LRRC7: variants seen among roughly 807,000 people sequenced by gnomAD.
The protein encoded by LRRC7 is leucine-rich repeat-containing protein 7.
A neutral mutation model predicts 175.7 loss-of-function variants in LRRC7; 23 were observed. That is an observed-to-expected ratio of 0.13 (90% confidence interval 0.09 to 0.19). LRRC7 has a LOEUF of 0.19. LRRC7 is among the 10% of genes least tolerant of loss of function. The probability of loss-of-function intolerance (pLI) is 1.00; values close to 1 mark genes in which losing one functional copy is unlikely to be tolerated. For synonymous variants in LRRC7, 685 were observed against 680.9 expected, an observed-to-expected ratio of 1.01 and a Z score of -0.09; for missense variants, 1,354 against 1,904.7, an observed-to-expected ratio of 0.71 and a Z score of 5.38.
In LRRC7 at chr1:69,620,731, G is replaced by A. The variant is rs142147499; in HGVS notation, c.2+52090G>A. 3.3e-5 allele frequency among the ~76,000 whole-genome samples: 5 copies of A among 152,262 alleles called. 1 individual carries two copies. The East Asian group carries it at 9.7e-4, about 29-fold the overall frequency. On this transcript the variant is annotated intron_variant, in intron 1 of 26. Transcript: ENST00000651989. ...GATATTCCTCCTTTCATAGGATATT[G>A]TTCTCATCTTCTCCTATTCATTTCT...
At chr1:69,878,972 A>T (rs1686300009) in intron 7 of LRRC7, among the ~76,000 whole-genome samples, 1 of 149,666 alleles carries the variant, frequency 6.7e-6, no homozygotes, top group African/African-American at 2.4e-5. Flanking sequence ...TCCATCCATG[A>T]TGGATACATG....
rs570609854 is a variant in LRRC7 at position 69,795,107 on chromosome 1, C to T, written c.421+2947C>T. On this transcript the variant is annotated intron_variant, in intron 4 of 26. Transcript: ENST00000651989. ...ACCTAAGAAAGCTGTCACTGCCTGGCGCAGTGACTCATGCCTGTAATCCCA... is the reference window on the plus strand; with the variant it reads ...ACCTAAGAAAGCTGTCACTGCCTGGTGCAGTGACTCATGCCTGTAATCCCA... Among the ~76,000 whole-genome samples the T allele has an allele frequency of 2.8e-4, 43 of 152,268 alleles. No individual in the cohort carries two copies. The South Asian group carries it at 8.1e-3, about 29-fold the overall frequency.
intron 2 of LRRC7, among the ~76,000 whole-genome samples, chr1:69,735,987 G>C (rs889627511): frequency 6.6e-6 from 1 of 151,980 alleles, no homozygotes; most frequent in Non-Finnish European, 1.5e-5. Context: ...TTAATTGTAA[G>C]TCTAGCTCAC....
intron 24 of LRRC7, among the ~76,000 whole-genome samples, chr1:70,085,758 C>G (rs1415485170): frequency 6.6e-6 from 1 of 152,142 alleles, no homozygotes; most frequent in African/African-American, 2.4e-5. Context: ...ACCTTTCCTG[C>G]TGTTTTCCAC....
At chr1:69,637,667 T>C (rs1003134428) in intron 1 of LRRC7, among the ~76,000 whole-genome samples, 1 of 152,008 alleles carries the variant, frequency 6.6e-6, no homozygotes, top group African/African-American at 2.4e-5. Context: ...TTTCTTTTCT[T>C]TCATGACTAT....
chr1:69,862,303 A>G (rs1196013627), intron 7 of LRRC7, among the ~76,000 whole-genome samples: 3 of 152,210 alleles, frequency 2.0e-5, no homozygotes, highest in Admixed American at 6.5e-5. Flanking sequence ...TAGATGGCAT[A>G]TAGATTATTA....
intron 2 of LRRC7, among the ~76,000 whole-genome samples, chr1:69,753,437 A>G (rs977167244): frequency 6.6e-6 from 1 of 151,990 alleles, no homozygotes; most frequent in Non-Finnish European, 1.5e-5. Flanking sequence ...GCTTTAGGGC[A>G]CAGATAATGA....
At chr1:69,578,501 A>T (rs1222320289) in intron 1 of LRRC7, among the ~76,000 whole-genome samples, 1 of 147,392 alleles carries the variant, frequency 6.8e-6, no homozygotes, top group African/African-American at 2.5e-5. Flanking sequence ...ACGTATGTTT[A>T]TTGCGGCACT....
Position 69,878,054 on chromosome 1 carries a change from T to C in LRRC7, c.647+39771T>C, listed in dbSNP as rs558834724. On this transcript the variant is annotated intron_variant, in intron 7 of 26. Coordinates refer to ENST00000651989, the MANE Select transcript of LRRC7 (RefSeq NM_001370785.2). The stretch of plus-strand genomic sequence containing the variant: ...AGTAGAAGAATCAGAAGTGCAGTTA[T>C]GTGAAAGTAGAAGAAAACAAGTCAA... Among the ~76,000 whole-genome samples the C allele has an allele frequency of 3.9e-5, 6 of 152,178 alleles. No homozygotes were observed. In the South Asian group the frequency reaches 1.2e-3, roughly 32 times the overall value.
At chr1:70,072,914 A>G (rs1662496864) in intron 23 of LRRC7, among the ~76,000 whole-genome samples, 1 of 152,184 alleles carries the variant, frequency 6.6e-6, no homozygotes, top group Non-Finnish European at 1.5e-5. Context: ...TTCCTTTTCA[A>G]TTCATGGTTC....
chr1:70,076,610 G>C (rs1662798756), intron 24 of LRRC7, among the ~76,000 whole-genome samples: 1 of 152,170 alleles, frequency 6.6e-6, no homozygotes, highest in South Asian at 2.1e-4. Flanking sequence ...TACAGATTTT[G>C]AATGTTATAA....
chr1:69,951,786 G>C (rs114133432), intron 8 of LRRC7, among the ~76,000 whole-genome samples: 391 of 152,070 alleles, frequency 2.6e-3, no homozygotes, highest in African/African-American at 8.9e-3. Context: ...TGGGGTCTAC[G>C]TGAGGATGGA....
At chr1:69,952,997 CAAAAAA>C (rs61277479) in intron 8 of LRRC7, among the ~76,000 whole-genome samples, 39 of 56,984 alleles carry the variant, frequency 6.8e-4, no homozygotes, top group South Asian at 1.2e-3. Context: ...AGAGACAAGG[CAAAAAA>C]AAAAAAAAAA....
Position 69,785,225 on chromosome 1 carries a change from T to C in LRRC7, c.304-6818T>C, listed in dbSNP as rs151315634. On this transcript the variant is annotated intron_variant, in intron 3 of 26. Coordinates refer to ENST00000651989, the MANE Select transcript of LRRC7 (RefSeq NM_001370785.2). ...GTTCCTTTAAATATATTAATGTTAC[T>C]ATACTAGGTACATTTATAATTGTTA... Among the ~76,000 whole-genome samples the C allele has an allele frequency of 6.3e-3, 954 of 152,274 alleles. 15 individuals carry two copies. Among genetic ancestry groups the C allele is most frequent in the African/African-American group, 0.022 (894 of 41,580 alleles).
intron 8 of LRRC7, among the ~76,000 whole-genome samples, chr1:69,942,336 A>AG (rs1347793941): frequency 2.0e-5 from 3 of 152,138 alleles, no homozygotes; most frequent in African/African-American, 7.2e-5. Context: ...ATTGCAACAG[A>AG]GGGGAAGCAA....
At chr1:69,773,751 A>G (rs979983790) in intron 3 of LRRC7, among the ~76,000 whole-genome samples, 1 of 152,218 alleles carries the variant, frequency 6.6e-6, no homozygotes, top group Non-Finnish European at 1.5e-5. Context: ...TTCATATGCA[A>G]TAGCTTTTCT....
chr1:69,914,838 G>A (rs1195056883), intron 7 of LRRC7, among the ~76,000 whole-genome samples: 1 of 152,172 alleles, frequency 6.6e-6, no homozygotes, highest in African/African-American at 2.4e-5. Context: ...GTAGAATTGA[G>A]TAGAGACAGA....
At chr1:69,972,175 A>C (rs1652304382) in intron 8 of LRRC7, among the ~76,000 whole-genome samples, 1 of 152,252 alleles carries the variant, frequency 6.6e-6, no homozygotes, top group Admixed American at 6.5e-5. Context: ...AAATTCTAGA[A>C]GACAGTGTTG....
At chr1:69,663,883 G>A (rs961229145) in intron 1 of LRRC7, among the ~76,000 whole-genome samples, 11 of 150,826 alleles carry the variant, frequency 7.3e-5, no homozygotes, top group African/African-American at 9.8e-5. Flanking sequence ...CACCGCGCCC[G>A]GCTAATTTTT....
Sources: gnomAD v4.1 joint callset for allele counts (sites outside exome capture counted in the v4.1 genomes callset) on GRCh38, gnomAD v4.1.1 for gene constraint, MANE v1.5 for transcripts, NCBI Gene and HGNC (gene_info 2026-07-23, HGNC 2026-07-21) for gene names.